GALK2: variants seen among roughly 807,000 people sequenced by gnomAD.
GALK2 encodes N-acetylgalactosamine kinase.
In GALK2, 36 loss-of-function variants were observed where a neutral mutation model predicts 52.4. That is an observed-to-expected ratio of 0.69 (90% CI 0.53 to 0.91). The LOEUF is 0.91. Among genes scored for constraint, GALK2 ranks in the 40% least tolerant of loss-of-function variants. The pLI, the probability that GALK2 is intolerant of heterozygous loss-of-function variation, is 0.00. For synonymous variants in GALK2, 176 were observed against 199.1 expected (o/e 0.88, Z 0.98); for missense variants, 579 against 559.1 (o/e 1.04, Z -0.36).
intron 1 of GALK2, among the ~76,000 whole-genome samples, chr15:49,173,812 G>T (rs895840227): frequency 7.2e-5 from 11 of 151,998 alleles, no homozygotes; most frequent in African/African-American, 2.7e-4. Flanking sequence ...GCACTATCTT[G>T]GCTCACTGCA....
chr15:49,282,618 G>A (rs1210744056), intron 6 of GALK2, among the ~76,000 whole-genome samples: 1 of 152,150 alleles, frequency 6.6e-6, no homozygotes, highest in Admixed American at 6.5e-5. Flanking sequence ...TTCCTTAGCT[G>A]GATACCGCTT....
At chr15:49,359,617 A>G (rs564475939) in intron 3 of GALK2, among the ~76,000 whole-genome samples, 1 of 124,596 alleles carries the variant, frequency 8.0e-6, no homozygotes, top group Admixed American at 7.7e-5. Context: ...GTGGAGAAAT[A>G]GGAACACTTT....
intron 9 of GALK2, among the ~76,000 whole-genome samples, chr15:49,323,571 G>A (rs1402315063): frequency 3.3e-5 from 5 of 152,184 alleles, no homozygotes; most frequent in Admixed American, 6.5e-5. Context: ...AATTGAGTGA[G>A]TAAATTAACG....
chr15:49,340,834 T>G (rs2040607519), intron 3 of GALK2, among the ~76,000 whole-genome samples: 1 of 152,204 alleles, frequency 6.6e-6, no homozygotes, highest in Non-Finnish European at 1.5e-5. Flanking sequence ...ACAGATTATT[T>G]CTCAATGCCA....
chr15:49,300,494 G>T (rs2141864854), intron 8 of GALK2, among the ~76,000 whole-genome samples: 1 of 152,168 alleles, frequency 6.6e-6, no homozygotes, highest in East Asian at 1.9e-4. Flanking sequence ...TTAGCTGGTT[G>T]TTTTGTAGCA....
At chr15:49,291,468 T>C (rs2033926401) in intron 7 of GALK2, among the ~76,000 whole-genome samples, 1 of 152,204 alleles carries the variant, frequency 6.6e-6, no homozygotes, top group Non-Finnish European at 1.5e-5. Flanking sequence ...TCTTGAAGAC[T>C]GATTTCCCCT....
chr15:49,201,083 TG>T, intron 1 of GALK2, 78 bp from the exon 2 acceptor site: 1 of 687,632 alleles, frequency 1.5e-6, no homozygotes. Context: ...TGTGTGTGTG[TG>T]TGTATGTATG....
At chr15:49,204,653 C>G (rs926794100) in intron 2 of GALK2, among the ~76,000 whole-genome samples, 37 of 151,998 alleles carry the variant, frequency 2.4e-4, no homozygotes, top group African/African-American at 8.7e-4. Flanking sequence ...TGTATAGAAA[C>G]ACTAGTGATT....
At chr15:49,366,108 C>T (rs1025353628) in intron 3 of GALK2, 54 of 940,154 alleles carry the variant, frequency 5.7e-5, no homozygotes, top group Non-Finnish European at 8.5e-5. Flanking sequence ...TCCAATTCAA[C>T]TAGTCCACTC....
downstream of GALK2, among the ~76,000 whole-genome samples, chr15:49,332,163 AG>A (rs2038916944): frequency 6.6e-6 from 1 of 151,494 alleles, no homozygotes. Flanking sequence ...TCTGAACCCA[AG>A]CACTGTGACT....
At chr15:49,257,087 C>T (rs1210902467) in intron 5 of GALK2, among the ~76,000 whole-genome samples, 2 of 152,142 alleles carry the variant, frequency 1.3e-5, no homozygotes, top group Non-Finnish European at 2.9e-5. Context: ...TCTCCTGCCT[C>T]TCTTATGGCT....
intron 1 of GALK2, among the ~76,000 whole-genome samples, chr15:49,182,129 C>G (rs2086018964): frequency 6.6e-6 from 1 of 152,018 alleles, no homozygotes; most frequent in Non-Finnish European, 1.5e-5. Flanking sequence ...TTAACCATCC[C>G]CACTCCCTCA....
intron 8 of GALK2, among the ~76,000 whole-genome samples, chr15:49,293,499 A>G (rs1211790894): frequency 6.6e-6 from 1 of 152,364 alleles, no homozygotes; most frequent in African/African-American, 2.4e-5. Flanking sequence ...ACGGCCATGT[A>G]TTAGCTATGG....
At chr15:49,295,667 A>C (rs910079188) in intron 8 of GALK2, among the ~76,000 whole-genome samples, 1 of 152,170 alleles carries the variant, frequency 6.6e-6, no homozygotes, top group Non-Finnish European at 1.5e-5. Flanking sequence ...CTGTGTGGAC[A>C]GTGTTACCTT....
At chr15:49,322,785 A>G (rs377628536) in intron 9 of GALK2, among the ~76,000 whole-genome samples, 22 of 152,084 alleles carry the variant, frequency 1.4e-4, no homozygotes, top group Admixed American at 6.5e-4. Context: ...GTGAAACCCC[A>G]TCTCTATTAA....
At chr15:49,362,606 G>A (rs551448012) in intron 3 of GALK2, among the ~76,000 whole-genome samples, 17 of 152,268 alleles carry the variant, frequency 1.1e-4, no homozygotes, top group African/African-American at 3.1e-4. Context: ...CTTTTGCTGC[G>A]CAGAAGGTCT....
At chr15:49,220,884 G>A (rs1362966353) in intron 3 of GALK2, among the ~76,000 whole-genome samples, 1 of 152,000 alleles carries the variant, frequency 6.6e-6, no homozygotes, top group Non-Finnish European at 1.5e-5. Flanking sequence ...GTATGTCTTT[G>A]GAAAAATGTC....
chr15:49,353,242 C>A (rs991529188), intron 3 of GALK2, among the ~76,000 whole-genome samples: 2 of 152,100 alleles, frequency 1.3e-5, no homozygotes, highest in African/African-American at 4.8e-5. Flanking sequence ...CAAATTTGGG[C>A]TCAAATTAGA....
intron 5 of GALK2, among the ~76,000 whole-genome samples, chr15:49,250,380 T>C (rs2141566019): frequency 6.6e-6 from 1 of 152,344 alleles, no homozygotes; most frequent in Admixed American, 6.5e-5. Flanking sequence ...GTTAGAATTT[T>C]CATGAGAGTA....
Sources: gnomAD v4.1 joint callset for allele counts (sites outside exome capture counted in the v4.1 genomes callset) on GRCh38, gnomAD v4.1.1 for gene constraint, MANE v1.5 for transcripts, NCBI Gene and HGNC (gene_info 2026-07-23, HGNC 2026-07-21) for gene names.